The following TBC1D1 variants were observed in gnomAD, a reference collection of about 807,000 sequenced individuals.
TBC1D1 encodes the protein TBC1 domain family member 1, also known as TBC1 (tre-2/USP6, BUB2, cdc16) domain family, member 1.
TBC1D1 carries 89 observed loss-of-function variants against 125.6 expected under a neutral mutation model. The ratio of observed to expected loss-of-function variants is 0.71; its 90% confidence interval spans 0.60 to 0.85. The LOEUF (loss-of-function observed/expected upper bound fraction) is 0.85, where lower values mean the gene tolerates loss of function less well. Among genes scored for constraint, TBC1D1 ranks in the 40% least tolerant of loss-of-function variants. The pLI is 0.00. For missense variants in TBC1D1, 1,377 were observed against 1,469.2 expected, an observed-to-expected ratio of 0.94 and a Z score of 1.03; for synonymous variants, 565 against 564.1, an observed-to-expected ratio of 1.00 and a Z score of -0.02.
intron 2 of TBC1D1, among the ~76,000 whole-genome samples, chr4:37,985,835 C>T (rs62298549): frequency 3.3e-5 from 5 of 151,914 alleles, no homozygotes; most frequent in Admixed American, 6.5e-5. Context: ...GATATATGCA[C>T]GAAGAATCAC....
At chr4:38,053,173 T>C (rs1751059320) in intron 11 of TBC1D1, 2 of 1,538,036 alleles carry the variant, frequency 1.3e-6, no homozygotes, top group African/African-American at 1.4e-5. Context: ...TTTTCTAAAA[T>C]TTCTGGCTCC....
chr4:38,094,866 A>T (rs1759059210), intron 13 of TBC1D1, among the ~76,000 whole-genome samples: 1 of 150,162 alleles, frequency 6.7e-6, no homozygotes. Flanking sequence ...GTGTTTTCTC[A>T]TAGCCCAAAT....
intron 3 of TBC1D1, among the ~76,000 whole-genome samples, chr4:38,018,096 T>C (rs1232058005): frequency 1.3e-5 from 2 of 152,208 alleles, no homozygotes; most frequent in Non-Finnish European, 2.9e-5. Flanking sequence ...TAGGGGGATG[T>C]GTGGATCTTG....
chr4:38,012,752 A>G (rs192928799), intron 2 of TBC1D1, among the ~76,000 whole-genome samples: 16 of 152,304 alleles, frequency 1.1e-4, no homozygotes, highest in African/African-American at 3.8e-4. Context: ...GCTATAACCA[A>G]GCAAATGCTC....
At chr4:37,938,176 T>C (rs1326230413) in intron 2 of TBC1D1, among the ~76,000 whole-genome samples, 9 of 151,986 alleles carry the variant, frequency 5.9e-5, no homozygotes, top group Admixed American at 2.0e-4. Flanking sequence ...AGATCAGGAG[T>C]TCAAATGCAG....
rs1436797711 is a variant in TBC1D1, at chr4:37,978,162, A to G, written c.418-36347A>G. Among the ~76,000 whole-genome samples, 5 of 152,156 alleles carry G rather than the reference A, an allele frequency of 3.3e-5. No individual in the cohort carries two copies. The East Asian group carries it at 5.8e-4, about 18-fold the overall frequency. On this transcript the variant is annotated intron_variant, in intron 2 of 19. Coordinates refer to ENST00000261439, the MANE Select transcript of TBC1D1 (RefSeq NM_015173.4). The stretch of plus-strand genomic sequence containing the variant: ...GGTGGTGCAAATCCAGGCCAGTTGC[A>G]CTGTTGCTAACAGGAAGGCATAAGT...
At chr4:37,901,344 A>G (rs1028101530) in intron 1 of TBC1D1, among the ~76,000 whole-genome samples, 1 of 151,876 alleles carries the variant, frequency 6.6e-6, no homozygotes, top group Non-Finnish European at 1.5e-5. Context: ...TTTAGTAGAG[A>G]CGGGGTTTCA....
chr4:38,103,267 A>T, intron 15 of TBC1D1, 110 bp downstream of exon 17: 1 of 1,104,084 alleles, frequency 9.1e-7, no homozygotes, highest in Non-Finnish European at 1.3e-6. Context: ...TAGCAATCAA[A>T]ATTTACTACT....
chr4:38,047,383 A>G (rs149534687), intron 10 of TBC1D1, among the ~76,000 whole-genome samples: 3,753 of 152,222 alleles, frequency 0.025, 70 homozygotes, highest in South Asian at 0.074. Flanking sequence ...CTCCAAGGCA[A>G]TGCTGCTGCT....
intron 2 of TBC1D1, among the ~76,000 whole-genome samples, chr4:37,983,121 CTTT>C (rs71190937): frequency 0.12 from 14,465 of 116,436 alleles, 795 homozygotes; most frequent in Middle Eastern, 0.21. Context: ...TCCCCAAACT[CTTT>C]TTTTTTTTTT....
chr4:38,114,566 G>GGCTGCCA (rs1448547429), intron 15 of TBC1D1, among the ~76,000 whole-genome samples: 1 of 152,184 alleles, frequency 6.6e-6, no homozygotes, highest in Non-Finnish European at 1.5e-5. Context: ...GCTTGGCCCT[G>GGCTGCCA]GCTGCCAGCT....
chr4:38,104,709 G>A (rs931431292), intron 15 of TBC1D1, among the ~76,000 whole-genome samples: 3 of 151,916 alleles, frequency 2.0e-5, no homozygotes, highest in Non-Finnish European at 2.9e-5. Flanking sequence ...CTCAAGCCAC[G>A]TAGCTAGCCT....
rs757924491 is a variant in TBC1D1 at position 38,118,017 on chromosome 4, G to A, written c.2803-16G>A. 1.9e-6 allele frequency: 3 copies of A among 1,613,330 alleles called. No homozygotes were observed. In the African/African-American group the frequency reaches 4.0e-5, roughly 22 times the overall value. ...CAGATCCCTAATTCTCAGCCCTTGT[G>A]GCTGTCTTCCTGCAGATCCAGATGT... is the stretch of plus-strand genomic sequence containing the variant. On this transcript the variant is annotated splice_polypyrimidine_tract_variant and intron_variant, in intron 16 of 19. Transcript: ENST00000261439.
At chr4:38,035,511 G>GTTAGCATTTA in intron 7 of TBC1D1, 77 bp from the exon 8 acceptor site, 1 of 1,146,422 alleles carries the variant, frequency 8.7e-7, no homozygotes, top group Non-Finnish European at 1.3e-6. Flanking sequence ...GATGGAAGCT[G>GTTAGCATTTA]TTAGCATTTA....
rs1210495495 is a variant in TBC1D1, at chr4:38,014,283, C to T, written c.418-226C>T. Among the ~76,000 whole-genome samples, 3 of 152,144 alleles carry T rather than the reference C, an allele frequency of 2.0e-5. No individual in the cohort carries two copies. Among genetic ancestry groups the T allele is most frequent in the Non-Finnish European group, 4.4e-5 (3 of 68,034 alleles). On this transcript the variant is annotated intron_variant, in intron 2 of 19. Transcript: ENST00000261439. The surrounding 1 kb of genome is among the most constrained non-coding windows in gnomAD (Gnocchi z 5.1). ...CGCAGCCCTTGGCAGGTAAGAGGTGCTTCATAAGTGTCGTCCCCCTTCTCT... is the reference window on the plus strand; with the variant it reads ...CGCAGCCCTTGGCAGGTAAGAGGTGTTTCATAAGTGTCGTCCCCCTTCTCT...
intron 7 of TBC1D1, among the ~76,000 whole-genome samples, chr4:38,032,489 A>G (rs965665544): frequency 1.1e-4 from 16 of 152,126 alleles, no homozygotes; most frequent in African/African-American, 3.9e-4. Context: ...TTATTTTCCT[A>G]AGACTTATCT....
At chr4:37,962,070 C>T (rs1158126676) in intron 2 of TBC1D1, among the ~76,000 whole-genome samples, 2 of 152,192 alleles carry the variant, frequency 1.3e-5, no homozygotes, top group Admixed American at 1.3e-4. Context: ...AAACTGTGGG[C>T]CCCATGAGGG....
At chr4:37,928,374 A>G (rs991830321) in intron 2 of TBC1D1, among the ~76,000 whole-genome samples, 1 of 152,226 alleles carries the variant, frequency 6.6e-6, no homozygotes, top group Non-Finnish European at 1.5e-5. Flanking sequence ...CACTTTTGGT[A>G]ATTGAATTAC....
chr4:38,123,230 TCTTGA>T (rs1280319840), intron 17 of TBC1D1, among the ~76,000 whole-genome samples: 1 of 151,760 alleles, frequency 6.6e-6, no homozygotes, highest in Non-Finnish European at 1.5e-5. Context: ...GCAAAAAAGG[TCTTGA>T]TTTTTATTCT....
Sources: allele counts gnomAD v4.1 joint callset (sites outside exome capture counted in the v4.1 genomes callset), GRCh38; gene constraint gnomAD v4.1.1; non-coding constraint Gnocchi (gnomAD v3.1); transcripts MANE v1.5; gene names NCBI Gene and HGNC (gene_info 2026-07-23, HGNC 2026-07-21).